The following CDC5L variants were observed in gnomAD, a reference collection of about 807,000 sequenced individuals.
The protein encoded by CDC5L is cell division cycle 5-like protein.
A neutral mutation model predicts 104.1 loss-of-function variants in CDC5L; 18 were observed. The ratio of observed to expected loss-of-function variants is 0.17; its 90% CI spans 0.12 to 0.26. CDC5L has a LOEUF of 0.26. Ranked by LOEUF, CDC5L falls within the 10% of genes least tolerant of loss-of-function variation. The probability of loss-of-function intolerance (pLI) is 1.00; values close to 1 mark genes in which losing one functional copy is unlikely to be tolerated. For synonymous variants in CDC5L, 331 were observed against 322.7 expected (o/e 1.03, Z -0.28); for missense variants, 673 against 956.9 (o/e 0.70, Z 3.91).
At chr6:44,427,870 A>C (rs1307198409) in intron 13 of CDC5L, among the ~76,000 whole-genome samples, 1 of 152,214 alleles carries the variant, frequency 6.6e-6, no homozygotes, top group Admixed American at 6.5e-5. Context: ...ATGTATGGAA[A>C]CCTAAAACAA....
Position 44,403,952 on chromosome 6 carries a change from C to T in CDC5L, c.683C>T (p.Ser228Phe), listed in dbSNP as rs764902934. Residue 228 changes from serine (S) to phenylalanine (F), a missense_variant, in exon 6 of 16, where the codon TCT becomes TTT. Physicochemically the swap from Ser to Phe is radical, Grantham distance 155. This residue lies in a region of CDC5L where 578 missense variants were observed against 737.0 expected (regional missense o/e 0.78). Transcript: ENST00000371477. ...CCTGCCCTTGGTTTTTATGATACTT[C>T]TGAGGAAAACTACCAAGCTCTTGAC... ...KKPALGFYDT[S>F]EENYQALDAD... 9 of 1,613,644 alleles carry T rather than the reference C, an allele frequency of 5.6e-6. No homozygotes were observed. The highest frequency in any genetic ancestry group is 1.1e-5 in the South Asian group (1 of 91,008).
chr6:44,447,172 T>G lies in CDC5L; in HGVS notation c.*461T>G, dbSNP rs531985972. 6.6e-6 allele frequency: 1 copy of G among 152,308 alleles called. No individual in the cohort carries two copies. The highest frequency in any genetic ancestry group is 1.5e-5 in the Non-Finnish European group (1 of 68,112). 9.4% of individuals were successfully genotyped at this position (152,308 alleles called of 1,614,324 possible). On this transcript the variant is annotated 3_prime_UTR_variant, in exon 16 of 16. Coordinates refer to ENST00000371477, the MANE Select transcript of CDC5L (RefSeq NM_001253.4). ...AATGGTGATGCAGTATCTTAAACAC[T>G]TAAGAGGCAGTTCTTTGTGGCTTTG...
intron 8 of CDC5L, among the ~76,000 whole-genome samples, chr6:44,414,578 C>T (rs992473237): frequency 7.3e-5 from 11 of 150,996 alleles, no homozygotes; most frequent in African/African-American, 2.7e-4. Flanking sequence ...CTTCAAGATT[C>T]TCCCACCCGA....
At chr6:44,408,699 G>A (rs1791491207) in intron 8 of CDC5L, 67 bp downstream of exon 8, 1 of 1,185,442 alleles carries the variant, frequency 8.4e-7, no homozygotes, top group African/African-American at 1.5e-5. Flanking sequence ...TCATGCAGGA[G>A]AACTAAGCGG....
At chr6:44,412,935 A>T (rs903019258) in intron 8 of CDC5L, among the ~76,000 whole-genome samples, 2 of 151,012 alleles carry the variant, frequency 1.3e-5, no homozygotes, top group Admixed American at 6.6e-5. Context: ...GGCGCCCGCC[A>T]CTACGCCCGG....
chr6:44,417,693 C>G (rs1791967848), intron 8 of CDC5L, among the ~76,000 whole-genome samples: 1 of 152,174 alleles, frequency 6.6e-6, no homozygotes, highest in South Asian at 2.1e-4. Flanking sequence ...AGAACATGGT[C>G]AGTTCTGCCT....
chr6:44,423,197 A>T (rs1434712656), intron 10 of CDC5L, among the ~76,000 whole-genome samples: 1 of 152,204 alleles, frequency 6.6e-6, no homozygotes, highest in African/African-American at 2.4e-5. Context: ...ACTTCTAATG[A>T]TACTGGCTTG....
chr6:44,390,949 TTA>T (rs1302835515), intron 2 of CDC5L, among the ~76,000 whole-genome samples: 37 of 134,382 alleles, frequency 2.8e-4, no homozygotes, highest in Non-Finnish European at 5.0e-4. Flanking sequence ...ATGTTATATA[TTA>T]TATATTAAAC....
intron 14 of CDC5L, among the ~76,000 whole-genome samples, chr6:44,440,503 A>G (rs1227802027): frequency 6.6e-6 from 1 of 152,132 alleles, no homozygotes; most frequent in African/African-American, 2.4e-5. Flanking sequence ...GTGGCCTTCC[A>G]AAGTGCTGGG....
chr6:44,396,854 G>A (rs1457364811), intron 5 of CDC5L, among the ~76,000 whole-genome samples: 2 of 152,168 alleles, frequency 1.3e-5, no homozygotes, highest in Non-Finnish European at 2.9e-5. Flanking sequence ...ACGGCCCCAT[G>A]AAGAGATACA....
intron 8 of CDC5L, among the ~76,000 whole-genome samples, chr6:44,413,052 G>A (rs1041437313): frequency 6.6e-6 from 1 of 152,030 alleles, no homozygotes; most frequent in African/African-American, 2.4e-5. Flanking sequence ...AAAGTGCTGG[G>A]ATTACAGGCG....
At chr6:44,442,343 T>G (rs1793232919) in intron 14 of CDC5L, among the ~76,000 whole-genome samples, 1 of 151,730 alleles carries the variant, frequency 6.6e-6, no homozygotes, top group Non-Finnish European at 1.5e-5. Context: ...CTTTGTTCTA[T>G]TCCTCCTCTC....
chr6:44,420,836 CTCTTA>C (rs1321089206), intron 9 of CDC5L, among the ~76,000 whole-genome samples: 1 of 152,140 alleles, frequency 6.6e-6, no homozygotes, highest in Non-Finnish European at 1.5e-5. Context: ...ATAAGGGATA[CTCTTA>C]TCTATACCGG....
intron 9 of CDC5L, 147 bp downstream of exon 9, chr6:44,419,744 T>A: frequency 3.0e-6 from 2 of 665,384 alleles, no homozygotes; most frequent in Non-Finnish European, 5.2e-6. Flanking sequence ...AATAATAGTG[T>A]CCAGGAAATG....
At chr6:44,415,185 G>A (rs114671823) in intron 8 of CDC5L, among the ~76,000 whole-genome samples, 2,697 of 152,242 alleles carry the variant, frequency 0.018, 43 homozygotes, top group Admixed American at 0.028. Context: ...TAGCCTTGTA[G>A]TATCCTTTTG....
Position 44,445,800 on chromosome 6 carries a change from A to G in CDC5L, c.2237A>G (p.His746Arg). Residue 746 changes from histidine (H) to arginine (R), a missense_variant, in exon 15 of 16, where the codon CAC becomes CGC. By Grantham distance (29) the His-to-Arg change is conservative. Around this residue, in one of 4 missense-constraint regions of CDC5L, gnomAD observed 578 missense variants for 737.0 expected, o/e 0.78. Coordinates refer to ENST00000371477, the MANE Select transcript of CDC5L (RefSeq NM_001253.4). ...NDLWDQIEQA[H>R]LELRTFEELK... is the part of the protein sequence containing the mutation. ...TTATGGGACCAAATTGAACAGGCTCACTTGGAGTTACGCACTTTTGAAGAA... is the reference window on the plus strand; with the variant it reads ...TTATGGGACCAAATTGAACAGGCTCGCTTGGAGTTACGCACTTTTGAAGAA... 1 of 1,614,082 alleles carries G rather than the reference A, an allele frequency of 6.2e-7. No homozygotes were observed. Among genetic ancestry groups the G allele is most frequent in the Non-Finnish European group, 8.5e-7 (1 of 1,179,950 alleles).
intron 5 of CDC5L, among the ~76,000 whole-genome samples, chr6:44,400,657 C>T (rs1791079813): frequency 6.6e-6 from 1 of 152,242 alleles, no homozygotes; most frequent in Non-Finnish European, 1.5e-5. Flanking sequence ...CCTGGGATTA[C>T]AGACATGAGC....
At position 44,448,667 on chromosome 6, in the gene CDC5L, T is replaced by TG. The variant is rs1401636123; in HGVS notation, c.*1956_*1957insG. On this transcript the variant is annotated 3_prime_UTR_variant, in exon 16 of 16. Transcript: ENST00000371477. Reference sequence around the variant, plus strand: ...CTGGGTTTTCTAGGAAAAACTTCAGTATCATCAGTGAATAATGATAGTGTT... The same window carrying TG: ...CTGGGTTTTCTAGGAAAAACTTCAGTGATCATCAGTGAATAATGATAGTGTT... 1.3e-5 allele frequency: 2 copies of TG among 152,256 alleles called. No homozygotes were observed. The highest frequency in any genetic ancestry group is 3.8e-4 in the East Asian group (2 of 5,204). 9.4% of individuals were successfully genotyped at this position (152,256 alleles called of 1,614,324 possible). A position where few individuals can be genotyped will look rare whatever the true frequency, so the allele number is the denominator to read the frequency against.
At chr6:44,397,122 G>T (rs1474364726) in intron 5 of CDC5L, among the ~76,000 whole-genome samples, 2 of 152,222 alleles carry the variant, frequency 1.3e-5, no homozygotes, top group African/African-American at 4.8e-5. Flanking sequence ...TGAGGTTGGG[G>T]GTTGTGGCTG....
Sources: allele counts gnomAD v4.1 joint callset (sites outside exome capture counted in the v4.1 genomes callset), GRCh38; gene constraint gnomAD v4.1.1; regional missense constraint gnomAD v4.1.1; transcripts MANE v1.5; gene names NCBI Gene and HGNC (gene_info 2026-07-23, HGNC 2026-07-21).